Variants in THSD7B observed in about 807,000 individuals in gnomAD.
THSD7B encodes thrombospondin type-1 domain-containing protein 7B.
Under a neutral mutation model 213.6 loss-of-function variants are expected in THSD7B, and 138 were observed. That is an observed-to-expected ratio of 0.65 (90% CI 0.56 to 0.74). The LOEUF is 0.74. Among genes scored for constraint, THSD7B ranks in the 30% least tolerant of loss-of-function variants. The pLI, the probability that THSD7B is intolerant of heterozygous loss-of-function variation, is 0.00. For synonymous variants in THSD7B, 742 were observed against 687.0 expected, an observed-to-expected ratio of 1.08 and a Z score of -1.25; for missense variants, 1,931 against 1,991.5, an observed-to-expected ratio of 0.97 and a Z score of 0.58.
chr2:137,446,022 GA>G (rs56951522), intron 14 of THSD7B, among the ~76,000 whole-genome samples: 2,186 of 144,508 alleles, frequency 0.015, 54 homozygotes, highest in African/African-American at 0.05. Flanking sequence ...GTTTAGTATT[GA>G]AAAAAAAAAA....
At chr2:137,364,228 A>G (rs990776122) in intron 12 of THSD7B, among the ~76,000 whole-genome samples, 5 of 152,242 alleles carry the variant, frequency 3.3e-5, no homozygotes, top group Non-Finnish European at 7.3e-5. Context: ...TAAACTAGGT[A>G]TTGATGGGAC....
chr2:136,935,050 T>A (rs545663960), intron 2 of THSD7B, among the ~76,000 whole-genome samples: 9 of 152,252 alleles, frequency 5.9e-5, no homozygotes, highest in African/African-American at 2.2e-4. Context: ...CTGTGGTATT[T>A]ATGAGGAGTT....
intron 14 of THSD7B, among the ~76,000 whole-genome samples, chr2:137,443,593 C>G (rs1687464731): frequency 6.6e-6 from 1 of 151,958 alleles, no homozygotes; most frequent in South Asian, 2.1e-4. Flanking sequence ...CTAAAGAGAA[C>G]ATTCTGGGCC....
chr2:137,223,900 C>G (rs6761615), intron 7 of THSD7B, among the ~76,000 whole-genome samples: 50,673 of 151,740 alleles, frequency 0.33, 9,257 homozygotes, highest in East Asian at 0.48. Flanking sequence ...AGTATCCTCC[C>G]ACCCCCGCTT....
chr2:136,990,451 T>G (rs1685756927), intron 2 of THSD7B, among the ~76,000 whole-genome samples: 1 of 151,542 alleles, frequency 6.6e-6, no homozygotes, highest in African/African-American at 2.4e-5. Context: ...AAGGGCAGAG[T>G]GATGAAGACA....
chr2:137,461,779 T>A (rs1687891305), intron 15 of THSD7B, among the ~76,000 whole-genome samples: 1 of 152,116 alleles, frequency 6.6e-6, no homozygotes, highest in South Asian at 2.1e-4. Context: ...CATGCTCAAA[T>A]AACCATGCTC....
intron 1 of THSD7B, among the ~76,000 whole-genome samples, chr2:136,835,328 C>T (rs916645735): frequency 6.6e-6 from 1 of 152,188 alleles, no homozygotes; most frequent in East Asian, 1.9e-4. Context: ...CCAGGTGTAA[C>T]TCTCTCATGA....
chr2:137,465,617 A>G (rs979688632), intron 15 of THSD7B, among the ~76,000 whole-genome samples: 8 of 152,122 alleles, frequency 5.3e-5, no homozygotes, highest in African/African-American at 1.9e-4. Context: ...GGGTCCTGAC[A>G]CTTGGTCCAT....
intron 15 of THSD7B, among the ~76,000 whole-genome samples, chr2:137,556,433 A>G (rs1233781139): frequency 6.6e-6 from 1 of 152,188 alleles, no homozygotes; most frequent in Non-Finnish European, 1.5e-5. Context: ...TTTCATATCC[A>G]GCCAAACTAA....
chr2:136,986,840 G>A (rs1011186497), intron 2 of THSD7B, among the ~76,000 whole-genome samples: 4 of 152,186 alleles, frequency 2.6e-5, no homozygotes, highest in Non-Finnish European at 4.4e-5. Context: ...GCTCCCACTG[G>A]TAAGAATGTA....
rs1422650753 is a variant in THSD7B at position 136,890,335 on chromosome 2, T to C, written c.139+8018T>C. ...CTTCTTCTTCTTCTTCTTCTTCTTC[T>C]TCTTCTTCTTCTTCTTCTTCTTCTT... On this transcript the variant is annotated intron_variant, in intron 2 of 27. Transcript: ENST00000409968. 6.6e-3 allele frequency among the ~76,000 whole-genome samples: 26 copies of C among 3,956 alleles called. 5 individuals are homozygous for C. Among genetic ancestry groups the C allele is most frequent in the African/African-American group, 0.017 (24 of 1,400 alleles). 2.6% of individuals were successfully genotyped at this position (3,956 alleles called of 152,430 possible).
At chr2:136,841,793 G>A (rs535130762) in intron 1 of THSD7B, among the ~76,000 whole-genome samples, 6 of 152,160 alleles carry the variant, frequency 3.9e-5, no homozygotes, top group African/African-American at 1.4e-4. Flanking sequence ...CTTCTAGATG[G>A]TTGCTTACGA....
intron 17 of THSD7B, among the ~76,000 whole-genome samples, chr2:137,602,344 A>G (rs1682090499): frequency 6.6e-6 from 1 of 151,934 alleles, no homozygotes; most frequent in Non-Finnish European, 1.5e-5. Flanking sequence ...ATCTTGGCTC[A>G]CTGAAACCTC....
chr2:137,024,062 G>A (rs1686498347), intron 2 of THSD7B, among the ~76,000 whole-genome samples: 1 of 152,122 alleles, frequency 6.6e-6, no homozygotes, highest in South Asian at 2.1e-4. Context: ...TCTTTGAAAT[G>A]ACATCCATTT....
chr2:137,405,846 G>A, intron 13 of THSD7B, 39 bp downstream of exon 13: 1 of 1,537,530 alleles, frequency 6.5e-7, no homozygotes, highest in South Asian at 1.2e-5. Flanking sequence ...CAGGCAAGCT[G>A]AACATCTCTG....
At chr2:137,308,661 T>C (rs1040435407) in intron 12 of THSD7B, among the ~76,000 whole-genome samples, 3 of 152,058 alleles carry the variant, frequency 2.0e-5, no homozygotes, top group African/African-American at 7.2e-5. Flanking sequence ...ATATTATATG[T>C]TTTTGAAAAA....
chr2:137,326,001 A>G (rs1430026946), intron 12 of THSD7B, among the ~76,000 whole-genome samples: 1 of 152,188 alleles, frequency 6.6e-6, no homozygotes, highest in Non-Finnish European at 1.5e-5. Context: ...AGCCTTCTGA[A>G]ATCTTTTCTC....
chr2:137,593,033 T>C (rs376279417), intron 17 of THSD7B, among the ~76,000 whole-genome samples: 3 of 151,944 alleles, frequency 2.0e-5, no homozygotes, highest in African/African-American at 7.2e-5. Flanking sequence ...TTGGGCTGTG[T>C]GAGCTAGTTT....
At chr2:137,081,521 G>A (rs1290000558) in intron 3 of THSD7B, among the ~76,000 whole-genome samples, 1 of 151,280 alleles carries the variant, frequency 6.6e-6, no homozygotes, top group Admixed American at 6.6e-5. Context: ...TGCTTTTATT[G>A]TCTTTCTGAG....
Sources: gnomAD v4.1 joint callset for allele counts (sites outside exome capture counted in the v4.1 genomes callset) on GRCh38, gnomAD v4.1.1 for gene constraint, MANE v1.5 for transcripts, NCBI Gene and HGNC (gene_info 2026-07-23, HGNC 2026-07-21) for gene names.